Variants in NBAS observed in about 807,000 individuals in gnomAD.
NBAS encodes NAG/BC035112 fusion.
NBAS carries 219 observed loss-of-function variants against 302.5 expected under a neutral mutation model. The observed-to-expected ratio is 0.72, with a 90% CI of 0.65 to 0.81. The LOEUF (loss-of-function observed/expected upper bound fraction) is 0.81. NBAS is among the 30% of genes least tolerant of loss of function. The probability of loss-of-function intolerance (pLI) is 0.00; values close to 1 mark genes in which losing one functional copy is unlikely to be tolerated. For missense variants in NBAS, 2,932 were observed against 2,841.6 expected (o/e 1.03, Z -0.72); for synonymous variants, 1,118 against 1,021.6 (o/e 1.09, Z -1.80).
the NBAS span, among the ~76,000 whole-genome samples, chr2:14,909,889 G>A: frequency 6.6e-6 from 1 of 152,208 alleles, no homozygotes; most frequent in Non-Finnish European, 1.5e-5. Context: ...GCCTTTTGAA[G>A]TAGGAAGCAC....
At chr2:15,334,712 T>G (rs1672500757) in intron 35 of NBAS, among the ~76,000 whole-genome samples, 1 of 152,210 alleles carries the variant, frequency 6.6e-6, no homozygotes, top group South Asian at 2.1e-4. Context: ...CAAAGACAAT[T>G]ACAGCCAGCA....
the NBAS span, among the ~76,000 whole-genome samples, chr2:15,079,920 T>G: frequency 0.14 from 20,793 of 152,230 alleles, 3,784 homozygotes; most frequent in African/African-American, 0.41. Flanking sequence ...TAATTCAAAC[T>G]TATTTGGCAT....
chr2:15,356,616 C>A (rs1673636544), intron 32 of NBAS, among the ~76,000 whole-genome samples, 200 bp from the exon 33 acceptor site: 2 of 152,106 alleles, frequency 1.3e-5, no homozygotes. Flanking sequence ...CCTAAGAGAT[C>A]AATGATTAAT....
chr2:15,419,507 T>C (rs1677109036), intron 23 of NBAS, among the ~76,000 whole-genome samples: 4 of 152,102 alleles, frequency 2.6e-5, no homozygotes, highest in Admixed American at 2.6e-4. Flanking sequence ...ATTACAGCCT[T>C]GAACTCCTGG....
At chr2:15,471,307 T>C (rs1679947371) in intron 16 of NBAS, among the ~76,000 whole-genome samples, 1 of 152,234 alleles carries the variant, frequency 6.6e-6, no homozygotes, top group Non-Finnish European at 1.5e-5. Flanking sequence ...TTTCATTACC[T>C]CTCATGCTCT....
chr2:15,354,442 G>A (rs1673517996), intron 33 of NBAS, among the ~76,000 whole-genome samples: 1 of 152,090 alleles, frequency 6.6e-6, no homozygotes, highest in Admixed American at 6.6e-5. Flanking sequence ...CTAAATATGT[G>A]AAGTAAAAAT....
At chr2:15,128,855 G>A in the NBAS span, among the ~76,000 whole-genome samples, 3 of 152,352 alleles carry the variant, frequency 2.0e-5, no homozygotes, top group Admixed American at 6.5e-5. Flanking sequence ...GTAACTGGCC[G>A]GGAGACAGTC....
chr2:15,545,151 T>C (rs1664044494), intron 6 of NBAS, among the ~76,000 whole-genome samples: 1 of 152,206 alleles, frequency 6.6e-6, no homozygotes, highest in South Asian at 2.1e-4. Context: ...TCATGTTGTT[T>C]ATGTTCTCTG....
intron 11 of NBAS, among the ~76,000 whole-genome samples, chr2:15,498,445 G>A (rs983102680): frequency 1.3e-5 from 2 of 152,128 alleles, no homozygotes; most frequent in African/African-American, 2.4e-5. Flanking sequence ...ACATGCTGGC[G>A]AGGTTGTGGA....
the NBAS span, among the ~76,000 whole-genome samples, chr2:15,054,933 T>A: frequency 6.6e-6 from 1 of 152,350 alleles, no homozygotes; most frequent in East Asian, 1.9e-4. Flanking sequence ...ATTATCACCC[T>A]CCTGAGGATT....
At chr2:15,075,193 A>G in the NBAS span, among the ~76,000 whole-genome samples, 1 of 152,236 alleles carries the variant, frequency 6.6e-6, no homozygotes, top group African/African-American at 2.4e-5. Flanking sequence ...GAACAGTACA[A>G]CTGAATACTA....
intron 21 of NBAS, among the ~76,000 whole-genome samples, chr2:15,431,089 G>A (rs141075260): frequency 0.032 from 4,881 of 152,010 alleles, 128 homozygotes; most frequent in South Asian, 0.078. Flanking sequence ...TTACAGGCGT[G>A]CGCCACTGTG....
At chr2:15,027,051 C>T in the NBAS span, among the ~76,000 whole-genome samples, 1 of 152,118 alleles carries the variant, frequency 6.6e-6, no homozygotes, top group African/African-American at 2.4e-5. Context: ...TGTTCATTAT[C>T]ATACTTCTCA....
At chr2:15,175,577 A>AGCTCTCAATTTTACT (rs1664499940) in intron 51 of NBAS, among the ~76,000 whole-genome samples, 1 of 152,222 alleles carries the variant, frequency 6.6e-6, no homozygotes, top group African/African-American at 2.4e-5. Flanking sequence ...TTTGAAAGTG[A>AGCTCTCAATTTTACT]GCTCTCAATT....
At position 15,392,020 on chromosome 2, in the gene NBAS, AC is replaced by A. The variant is rs201858027; in HGVS notation, c.3257+2206del. Reference sequence around the variant, plus strand: ...AATGAATCACTGGCATCCTAGCACTACCAAAAAAAAAATTAAAAGAAGCCTT... The same window carrying A: ...AATGAATCACTGGCATCCTAGCACTACAAAAAAAAAATTAAAAGAAGCCTT... On this transcript the variant is annotated intron_variant, in intron 28 of 51. Transcript: ENST00000281513. Among the ~76,000 whole-genome samples the A allele has an allele frequency of 3.4e-5, 3 of 89,246 alleles. No individual in the cohort carries two copies. In the Admixed American group the frequency reaches 3.4e-4, roughly 10 times the overall value. 58.5% of individuals were successfully genotyped at this position (89,246 alleles called of 152,430 possible).
At chr2:15,192,096 C>G (rs1665385874) in intron 48 of NBAS, among the ~76,000 whole-genome samples, 1 of 152,220 alleles carries the variant, frequency 6.6e-6, no homozygotes, top group Non-Finnish European at 1.5e-5. Flanking sequence ...TCTCCTTCAC[C>G]CTGTTTCATT....
At chr2:14,969,412 T>C in the NBAS span, among the ~76,000 whole-genome samples, 2 of 152,208 alleles carry the variant, frequency 1.3e-5, no homozygotes, top group Non-Finnish European at 2.9e-5. Context: ...GTCTCATACT[T>C]GTCGCCCAGC....
intron 35 of NBAS, among the ~76,000 whole-genome samples, chr2:15,332,316 A>G (rs1367295338): frequency 3.9e-5 from 6 of 152,206 alleles, no homozygotes; most frequent in Non-Finnish European, 8.8e-5. Flanking sequence ...TCACATGGGA[A>G]TGGTAAAATA....
Position 15,336,731 on chromosome 2 carries a change from GAA to G in NBAS, c.4180-5968_4180-5967del, listed in dbSNP as rs562071247. Among the ~76,000 whole-genome samples the G allele has an allele frequency of 3.8e-3, 542 of 144,066 alleles. 3 individuals are homozygous for G. The highest frequency in any genetic ancestry group is 0.013 in the African/African-American group (520 of 39,620). The allele number at this position is 144,066 out of a possible 152,430, so 94.5% of individuals were successfully genotyped here. On this transcript the variant is annotated intron_variant, in intron 35 of 51. Transcript: ENST00000281513. Reference sequence around the variant, plus strand: ...GGCGACAGAACAAGACTCCATATAGGAAAAAAAAAAAGTCTCATATGTTGTAT... The same window carrying G: ...GGCGACAGAACAAGACTCCATATAGGAAAAAAAAAGTCTCATATGTTGTAT...
Sources: allele counts gnomAD v4.1 joint callset (sites outside exome capture counted in the v4.1 genomes callset), GRCh38; gene constraint gnomAD v4.1.1; transcripts MANE v1.5; gene names NCBI Gene and HGNC (gene_info 2026-07-23, HGNC 2026-07-21).